Variants in CNTN4 observed in about 807,000 individuals in gnomAD.
CNTN4 encodes contactin-4.
CNTN4 carries 77 observed loss-of-function variants against 122.5 expected under a neutral mutation model. The ratio of observed to expected loss-of-function variants is 0.63; its 90% CI spans 0.52 to 0.76. The LOEUF (loss-of-function observed/expected upper bound fraction) is 0.76. CNTN4 is among the 30% of genes least tolerant of loss of function. The pLI is 0.00. For missense variants in CNTN4, 1,256 were observed against 1,259.1 expected, an observed-to-expected ratio of 1.00 and a Z score of 0.04; for synonymous variants, 512 against 447.0, an observed-to-expected ratio of 1.15 and a Z score of -1.83.
chr3:2,254,352 C>T (rs907962933), intron 2 of CNTN4, among the ~76,000 whole-genome samples: 32 of 152,244 alleles, frequency 2.1e-4, no homozygotes, highest in African/African-American at 7.2e-4. Flanking sequence ...AGTAAACATA[C>T]ATGCGCATGT....
At chr3:2,237,332 G>C (rs1356534754) in intron 2 of CNTN4, among the ~76,000 whole-genome samples, 3 of 152,066 alleles carry the variant, frequency 2.0e-5, no homozygotes, top group Non-Finnish European at 4.4e-5. Context: ...ACTGTAAGCT[G>C]GGTGTGGTTA....
intron 6 of CNTN4, among the ~76,000 whole-genome samples, chr3:2,787,457 G>A (rs1163949292): frequency 1.3e-5 from 2 of 152,168 alleles, no homozygotes; most frequent in Admixed American, 6.5e-5. Context: ...AGTAAACCGA[G>A]GAGATATATA....
chr3:2,681,449 G>T (rs2085160438), intron 4 of CNTN4, among the ~76,000 whole-genome samples: 1 of 152,216 alleles, frequency 6.6e-6, no homozygotes, highest in Non-Finnish European at 1.5e-5. Context: ...ATGACTTAGA[G>T]AAGGTGGAGA....
At chr3:2,727,594 G>A (rs535718925) in intron 4 of CNTN4, among the ~76,000 whole-genome samples, 1 of 152,150 alleles carries the variant, frequency 6.6e-6, no homozygotes, top group South Asian at 2.1e-4. Context: ...AAATCCTCGA[G>A]CAATGCACAA....
chr3:2,726,174 G>C (rs910271223), intron 4 of CNTN4, among the ~76,000 whole-genome samples: 1 of 152,098 alleles, frequency 6.6e-6, no homozygotes, highest in African/African-American at 2.4e-5. Context: ...GGAAGCTCCA[G>C]GCTTCCTTCT....
At chr3:2,588,251 A>G (rs569464305) in intron 4 of CNTN4, among the ~76,000 whole-genome samples, 1 of 152,248 alleles carries the variant, frequency 6.6e-6, no homozygotes, top group South Asian at 2.1e-4. Flanking sequence ...TGTCAGAGAG[A>G]TTTTAAAGAC....
intron 3 of CNTN4, among the ~76,000 whole-genome samples, chr3:2,475,850 C>T (rs1237849532): frequency 2.0e-5 from 3 of 151,974 alleles, no homozygotes; most frequent in East Asian, 3.9e-4. Context: ...TCTGAATTTC[C>T]AGCTCTTAAC....
At chr3:2,574,621 G>C (rs1383736803) in intron 4 of CNTN4, among the ~76,000 whole-genome samples, 2 of 152,066 alleles carry the variant, frequency 1.3e-5, no homozygotes, top group Non-Finnish European at 2.9e-5. Flanking sequence ...ATGAAAATTG[G>C]CTTCATTATT....
At chr3:2,628,800 A>T (rs1378147027) in intron 4 of CNTN4, among the ~76,000 whole-genome samples, 1 of 152,226 alleles carries the variant, frequency 6.6e-6, no homozygotes, top group Non-Finnish European at 1.5e-5. Context: ...CGTAACCAAA[A>T]AAGTGGTTTT....
chr3:2,747,291 C>A (rs1243233998), intron 6 of CNTN4, among the ~76,000 whole-genome samples: 1 of 151,724 alleles, frequency 6.6e-6, no homozygotes, highest in East Asian at 1.9e-4. Context: ...TGCCTGTAGT[C>A]CCAGCTGCTC....
At chr3:2,994,654 TA>T (rs1434718060) in intron 14 of CNTN4, among the ~76,000 whole-genome samples, 1 of 151,628 alleles carries the variant, frequency 6.6e-6, no homozygotes, top group Non-Finnish European at 1.5e-5. Flanking sequence ...AAAGAGTATC[TA>T]CAGCATTACT....
chr3:2,951,045 A>G (rs2094736898), intron 13 of CNTN4, among the ~76,000 whole-genome samples: 1 of 152,232 alleles, frequency 6.6e-6, no homozygotes, highest in African/African-American at 2.4e-5. Flanking sequence ...CATCTGTTCA[A>G]TGGTGATAAT....
chr3:2,503,933 A>G (rs547853805), intron 3 of CNTN4, among the ~76,000 whole-genome samples: 2 of 152,214 alleles, frequency 1.3e-5, no homozygotes, highest in South Asian at 2.1e-4. Flanking sequence ...AGGATTTTTA[A>G]TAGGAGGACT....
At chr3:2,848,934 G>A (rs1442979131) in intron 7 of CNTN4, among the ~76,000 whole-genome samples, 2 of 152,250 alleles carry the variant, frequency 1.3e-5, no homozygotes, top group Non-Finnish European at 2.9e-5. Flanking sequence ...CATCTACTAA[G>A]AGTCGGGGAG....
In CNTN4 at chr3:2,855,737, G is replaced by A. The variant is rs527779417; in HGVS notation, c.455-11015G>A. On this transcript the variant is annotated intron_variant, in intron 7 of 24. Coordinates refer to ENST00000418658, the MANE Select transcript of CNTN4 (RefSeq NM_175607.3). ...CATTTAGCGTAAGTCACATCAGGTG[G>A]ACTAACTTCGCTGCTGCATGCTTTC... 1.2e-4 allele frequency among the ~76,000 whole-genome samples: 19 copies of A among 152,278 alleles called. No individual in the cohort carries two copies. The South Asian group carries it at 3.9e-3, about 32-fold the overall frequency.
chr3:2,908,729 A>T (rs1301193468), intron 12 of CNTN4, among the ~76,000 whole-genome samples: 2 of 152,196 alleles, frequency 1.3e-5, no homozygotes, highest in African/African-American at 4.8e-5. Flanking sequence ...ATATTGTGAA[A>T]AAAGTTTTTT....
intron 13 of CNTN4, among the ~76,000 whole-genome samples, chr3:2,949,915 T>G (rs189601697): frequency 7.2e-4 from 110 of 152,348 alleles, no homozygotes; most frequent in African/African-American, 2.5e-3. Context: ...AACTCTTTAA[T>G]GGCATTTGGG....
chr3:2,508,855 GA>G (rs765631902), intron 3 of CNTN4, among the ~76,000 whole-genome samples: 7 of 151,524 alleles, frequency 4.6e-5, no homozygotes, highest in African/African-American at 7.3e-5. Context: ...GCCCTTTAAT[GA>G]AAAAAAATCA....
At chr3:2,884,105 T>A (rs902347427) in intron 9 of CNTN4, among the ~76,000 whole-genome samples, 1 of 152,102 alleles carries the variant, frequency 6.6e-6, no homozygotes, top group Non-Finnish European at 1.5e-5. Flanking sequence ...TAACTTTTTT[T>A]TTTTTTATTT....
Sources: allele counts gnomAD v4.1 joint callset (sites outside exome capture counted in the v4.1 genomes callset), GRCh38; gene constraint gnomAD v4.1.1; transcripts MANE v1.5; gene names NCBI Gene and HGNC (gene_info 2026-07-23, HGNC 2026-07-21).